CBLB: variants seen among roughly 807,000 people sequenced by gnomAD.
CBLB encodes Cbl proto-oncogene B.
Under a neutral mutation model 104.9 loss-of-function variants are expected in CBLB, and 31 were observed. That is an observed-to-expected ratio of 0.30 (90% CI 0.22 to 0.40). The LOEUF (loss-of-function observed/expected upper bound fraction) is 0.40. Ranked by LOEUF, CBLB falls within the 10% of genes least tolerant of loss-of-function variation. CBLB has a pLI of 1.00. For synonymous variants in CBLB, 440 were observed against 422.6 expected (o/e 1.04, Z -0.51); for missense variants, 1,062 against 1,214.6 (o/e 0.87, Z 1.87).
chr3:105,818,236 T>C (rs193246947), intron 3 of CBLB, among the ~76,000 whole-genome samples: 1 of 152,278 alleles, frequency 6.6e-6, no homozygotes, highest in African/African-American at 2.4e-5. Flanking sequence ...AATCGAATCC[T>C]AGACTTAAAA....
At chr3:105,662,041 A>G (rs965507695) in intron 18 of CBLB, among the ~76,000 whole-genome samples, 1 of 152,248 alleles carries the variant, frequency 6.6e-6, no homozygotes. Context: ...AAAGCCTTCT[A>G]GCAGAATATT....
intron 10 of CBLB, among the ~76,000 whole-genome samples, chr3:105,707,372 A>T (rs900597773): frequency 2.6e-5 from 4 of 152,182 alleles, no homozygotes; most frequent in Admixed American, 1.3e-4. Context: ...GAGTATGTGA[A>T]GAAAAAAAAT....
At chr3:105,673,256 C>G (rs949926631) in intron 17 of CBLB, 12 of 151,932 alleles carry the variant, frequency 7.9e-5, no homozygotes, top group Admixed American at 2.0e-4. Flanking sequence ...TTTTGTAGAG[C>G]TGGAGTTTCA....
intron 3 of CBLB, among the ~76,000 whole-genome samples, chr3:105,796,976 T>C (rs927897604): frequency 2.0e-5 from 3 of 152,194 alleles, no homozygotes; most frequent in Admixed American, 6.5e-5. Flanking sequence ...GGAACACTTA[T>C]ACACTGCTGG....
chr3:105,810,774 A>C (rs1447668749), intron 3 of CBLB, among the ~76,000 whole-genome samples: 1 of 152,154 alleles, frequency 6.6e-6, no homozygotes, highest in Non-Finnish European at 1.5e-5. Context: ...CCAACGCTGA[A>C]TCAAACTCTA....
chr3:105,848,471 T>C (rs967511698), intron 3 of CBLB, among the ~76,000 whole-genome samples: 2 of 152,118 alleles, frequency 1.3e-5, no homozygotes, highest in African/African-American at 4.8e-5. Flanking sequence ...TACATTTATG[T>C]AAAATTGCTT....
intron 7 of CBLB, among the ~76,000 whole-genome samples, chr3:105,738,323 G>T (rs2075170235): frequency 6.6e-6 from 1 of 152,076 alleles, no homozygotes; most frequent in East Asian, 1.9e-4. Flanking sequence ...TTAAAGGACA[G>T]ATAATTCTTA....
chr3:105,721,623 C>T (rs1029043371), intron 9 of CBLB, among the ~76,000 whole-genome samples: 15 of 152,064 alleles, frequency 9.9e-5, no homozygotes, highest in African/African-American at 3.6e-4. Flanking sequence ...GAAATACAGA[C>T]ATATAAATAT....
At chr3:105,841,414 T>C (rs1369386654) in intron 3 of CBLB, among the ~76,000 whole-genome samples, 1 of 151,800 alleles carries the variant, frequency 6.6e-6, no homozygotes, top group African/African-American at 2.4e-5. Context: ...ATATATCAAA[T>C]ACATAATTTG....
intron 10 of CBLB, among the ~76,000 whole-genome samples, chr3:105,705,471 A>G (rs1242472842): frequency 6.6e-6 from 1 of 152,188 alleles, no homozygotes; most frequent in East Asian, 1.9e-4. Flanking sequence ...AGTTTCTCAG[A>G]CATCCATTGT....
chr3:105,794,043 A>C (rs1216746056), intron 3 of CBLB, among the ~76,000 whole-genome samples: 1 of 152,188 alleles, frequency 6.6e-6, no homozygotes, highest in Non-Finnish European at 1.5e-5. Context: ...ATTAAAATAT[A>C]CCCATGCAAC....
At chr3:105,727,571 C>A (rs2073824075) in intron 9 of CBLB, among the ~76,000 whole-genome samples, 1 of 152,080 alleles carries the variant, frequency 6.6e-6, no homozygotes. Context: ...TCTATTTTGG[C>A]TTTTGTTGCC....
intron 17 of CBLB, chr3:105,673,142 C>T (rs2065248784): frequency 6.7e-6 from 1 of 149,286 alleles, no homozygotes; most frequent in Admixed American, 6.7e-5. Context: ...AATCTTGACT[C>T]ACTGCAACCT....
In CBLB at chr3:105,656,225, T is replaced by C. The variant is rs565677952; in HGVS notation, c.*2745A>G. On this transcript the variant is annotated 3_prime_UTR_variant, in exon 19 of 19. Coordinates refer to ENST00000394030, the MANE Select transcript of CBLB (RefSeq NM_170662.5). ...TTGGGTTGGGTGAGAAGGGTTGATA[T>C]TGGCCACATATCAGTAAGTTAATTT... 8 of 215,540 alleles carry C rather than the reference T, an allele frequency of 3.7e-5. No homozygotes were observed. The highest frequency in any genetic ancestry group is 1.6e-4 in the African/African-American group (7 of 44,484). 13.4% of individuals were successfully genotyped at this position (215,540 alleles called of 1,614,324 possible).
intron 12 of CBLB, among the ~76,000 whole-genome samples, chr3:105,694,688 T>C (rs1337960755): frequency 1.3e-5 from 2 of 151,950 alleles, no homozygotes; most frequent in African/African-American, 2.4e-5. Flanking sequence ...TCAACGTTCG[T>C]ATTTCAAAGC....
At chr3:105,786,060 T>TTG (rs1560233373) in intron 3 of CBLB, among the ~76,000 whole-genome samples, 1 of 3,146 alleles carries the variant, frequency 3.2e-4, no homozygotes, top group Non-Finnish European at 8.7e-4. Flanking sequence ...TGTGAGAGGA[T>TTG]CGGGGGGGGG....
At chr3:105,663,200 C>CT (rs2063996925) in intron 18 of CBLB, among the ~76,000 whole-genome samples, 2 of 112,998 alleles carry the variant, frequency 1.8e-5, no homozygotes, top group African/African-American at 6.4e-5. Flanking sequence ...ACAGTCATTA[C>CT]AACAGTTACT....
At chr3:105,860,998 C>G (rs1050241323) in intron 2 of CBLB, among the ~76,000 whole-genome samples, 1 of 151,684 alleles carries the variant, frequency 6.6e-6, no homozygotes, top group Non-Finnish European at 1.5e-5. Context: ...ATACTTTTTT[C>G]ATTGATACTG....
intron 4 of CBLB, among the ~76,000 whole-genome samples, chr3:105,774,858 T>G (rs1299350375): frequency 6.6e-6 from 1 of 152,166 alleles, no homozygotes; most frequent in Non-Finnish European, 1.5e-5. Context: ...AATACCATAA[T>G]CAATTTGTCC....
Sources: allele counts gnomAD v4.1 joint callset (sites outside exome capture counted in the v4.1 genomes callset), GRCh38; gene constraint gnomAD v4.1.1; transcripts MANE v1.5; gene names NCBI Gene and HGNC (gene_info 2026-07-23, HGNC 2026-07-21).